MAGI3: variants seen among roughly 807,000 people sequenced by gnomAD.
MAGI3 encodes membrane associated guanylate kinase, WW and PDZ domain containing 3.
MAGI3 carries 43 observed loss-of-function variants against 121.8 expected under a neutral mutation model. The observed-to-expected ratio is 0.35, with a 90% confidence interval of 0.28 to 0.46. The LOEUF is 0.46. Ranked by LOEUF, MAGI3 falls within the 20% of genes least tolerant of loss-of-function variation. MAGI3 has a pLI of 1.00. For missense variants in MAGI3, 1,547 were observed against 1,797.3 expected (o/e 0.86, Z 2.52); for synonymous variants, 553 against 639.3 (o/e 0.86, Z 2.04).
At chr1:113,434,624 TTTTA>T (rs1653471829) in intron 1 of MAGI3, among the ~76,000 whole-genome samples, 1 of 152,238 alleles carries the variant, frequency 6.6e-6, no homozygotes, top group Non-Finnish European at 1.5e-5. Flanking sequence ...CCTCTCTATG[TTTTA>T]TAACACACTG....
chr1:113,546,084 C>A (rs1351285082), intron 1 of MAGI3, among the ~76,000 whole-genome samples: 1 of 152,074 alleles, frequency 6.6e-6, no homozygotes, highest in Non-Finnish European at 1.5e-5. Flanking sequence ...AATACAAATT[C>A]CCTGGAATCA....
At chr1:113,590,174 A>T (rs75419513) in intron 4 of MAGI3, among the ~76,000 whole-genome samples, 15,672 of 152,116 alleles carry the variant, frequency 0.1, 1,035 homozygotes, top group East Asian at 0.19. Context: ...CCTGACACAT[A>T]AAAGGACTAC....
At chr1:113,434,602 C>G (rs77126120) in intron 1 of MAGI3, among the ~76,000 whole-genome samples, 315 of 152,326 alleles carry the variant, frequency 2.1e-3, no homozygotes, top group Non-Finnish European at 3.8e-3. Context: ...AGAATCTCCT[C>G]TGTCCTCTGT....
intron 1 of MAGI3, among the ~76,000 whole-genome samples, chr1:113,396,833 A>G (rs1462329631): frequency 1.3e-5 from 2 of 152,140 alleles, no homozygotes; most frequent in Non-Finnish European, 2.9e-5. Flanking sequence ...ATTGGTAAGG[A>G]ATACCTGTAG....
At chr1:113,430,915 C>T (rs1436603997) in intron 1 of MAGI3, among the ~76,000 whole-genome samples, 1 of 152,144 alleles carries the variant, frequency 6.6e-6, no homozygotes, top group Non-Finnish European at 1.5e-5. Context: ...GATAATATGG[C>T]TCACTGAATC....
intron 6 of MAGI3, among the ~76,000 whole-genome samples, chr1:113,600,431 G>C (rs1649295048): frequency 6.6e-6 from 1 of 150,740 alleles, no homozygotes. Context: ...ACCAATAACA[G>C]ACAAACAGAG....
intron 9 of MAGI3, among the ~76,000 whole-genome samples, chr1:113,637,793 G>C (rs1171679531): frequency 2.0e-5 from 3 of 152,204 alleles, no homozygotes; most frequent in African/African-American, 7.2e-5. Context: ...CTAGGTTGGG[G>C]AAGTTCTGCT....
At chr1:113,398,655 G>T (rs970341694) in intron 1 of MAGI3, among the ~76,000 whole-genome samples, 18 of 151,994 alleles carry the variant, frequency 1.2e-4, no homozygotes, top group African/African-American at 4.1e-4. Flanking sequence ...TATACATAAT[G>T]GCATTTAACA....
At chr1:113,481,327 A>G (rs1342019167) in intron 1 of MAGI3, among the ~76,000 whole-genome samples, 1 of 152,150 alleles carries the variant, frequency 6.6e-6, no homozygotes, top group Non-Finnish European at 1.5e-5. Context: ...TCACTGTCTA[A>G]ATCTATTTTC....
chr1:113,423,372 C>T (rs1006013547), intron 1 of MAGI3, among the ~76,000 whole-genome samples: 7 of 151,850 alleles, frequency 4.6e-5, no homozygotes, highest in South Asian at 2.1e-4. Flanking sequence ...CCTGGGTTCA[C>T]GCCATTCTCC....
At chr1:113,450,081 G>T in intron 1 of MAGI3, 2 of 1,511,858 alleles carry the variant, frequency 1.3e-6, no homozygotes, top group South Asian at 2.2e-5. Context: ...TGAAAAGTAT[G>T]GCAAAATTGA....
chr1:113,616,203 C>T (rs916758510), intron 7 of MAGI3, among the ~76,000 whole-genome samples: 2 of 152,180 alleles, frequency 1.3e-5, no homozygotes, highest in Admixed American at 6.5e-5. Context: ...CAGGGAGGTA[C>T]ATGAAATAGC....
chr1:113,527,837 T>C (rs1311281307), intron 1 of MAGI3, among the ~76,000 whole-genome samples: 1 of 152,230 alleles, frequency 6.6e-6, no homozygotes. Context: ...TTAGTTAATA[T>C]TGTATTTACT....
chr1:113,444,380 G>A (rs1038854423), intron 1 of MAGI3, among the ~76,000 whole-genome samples: 1 of 152,108 alleles, frequency 6.6e-6, no homozygotes, highest in Non-Finnish European at 1.5e-5. Flanking sequence ...GGATTTAAAG[G>A]GTTAGCACCT....
chr1:113,495,180 G>T (rs148149588), intron 1 of MAGI3, among the ~76,000 whole-genome samples: 3 of 152,056 alleles, frequency 2.0e-5, no homozygotes, highest in Non-Finnish European at 4.4e-5. Flanking sequence ...GTAATGCAAA[G>T]TACATGGACT....
At chr1:113,586,535 T>C (rs901585658) in intron 4 of MAGI3, among the ~76,000 whole-genome samples, 1 of 152,232 alleles carries the variant, frequency 6.6e-6, no homozygotes, top group Non-Finnish European at 1.5e-5. Context: ...ATAATACGTT[T>C]AATGTTAAAT....
intron 1 of MAGI3, among the ~76,000 whole-genome samples, chr1:113,495,807 A>G (rs1656891989): frequency 6.6e-6 from 1 of 152,228 alleles, no homozygotes; most frequent in Admixed American, 6.5e-5. Context: ...AAATATTTAT[A>G]GTAAACTCTG....
chr1:113,514,706 C>G (rs924094325), intron 1 of MAGI3, among the ~76,000 whole-genome samples: 2 of 152,092 alleles, frequency 1.3e-5, no homozygotes, highest in Admixed American at 6.6e-5. Flanking sequence ...AGCACACCAG[C>G]ATGGCACATG....
chr1:113,600,682 AG>A (rs1486860267), intron 6 of MAGI3, among the ~76,000 whole-genome samples: 10 of 152,246 alleles, frequency 6.6e-5, no homozygotes, highest in African/African-American at 2.4e-4. Context: ...ATCCCCATCA[AG>A]CTACCAATGA....
Sources: allele counts gnomAD v4.1 joint callset (sites outside exome capture counted in the v4.1 genomes callset), GRCh38; gene constraint gnomAD v4.1.1; transcripts MANE v1.5; gene names NCBI Gene and HGNC (gene_info 2026-07-23, HGNC 2026-07-21).